The following PCBP3 variants were observed in gnomAD, a reference collection of about 807,000 sequenced individuals.
PCBP3 encodes the protein poly(rC) binding protein 3.
A neutral mutation model predicts 52.7 loss-of-function variants in PCBP3; 25 were observed. The ratio of observed to expected loss-of-function variants is 0.47; its 90% confidence interval spans 0.35 to 0.66. The LOEUF (loss-of-function observed/expected upper bound fraction) is 0.66. Among genes scored for constraint, PCBP3 ranks in the 30% least tolerant of loss-of-function variants. The pLI, the probability that PCBP3 is intolerant of heterozygous loss-of-function variation, is 0.01. For missense variants in PCBP3, 391 were observed against 490.3 expected (o/e 0.80, Z 1.91); for synonymous variants, 162 against 183.0 (o/e 0.89, Z 0.93).
intron 1 of PCBP3, among the ~76,000 whole-genome samples, chr21:45,645,943 T>C (rs2079219749): frequency 6.6e-6 from 1 of 152,160 alleles, no homozygotes. Context: ...GAATAAATGC[T>C]GTAGATTTTG....
intron 4 of PCBP3, among the ~76,000 whole-genome samples, chr21:45,811,154 T>TA (rs1268535939): frequency 1.3e-5 from 2 of 152,244 alleles, no homozygotes; most frequent in Admixed American, 1.3e-4. Flanking sequence ...TTCCTATTTG[T>TA]TATTTCCTGC....
intron 5 of PCBP3, among the ~76,000 whole-genome samples, chr21:45,863,458 GC>G: frequency 6.6e-6 from 1 of 152,214 alleles, no homozygotes; most frequent in Non-Finnish European, 1.5e-5. Context: ...GGCTCGCCGG[GC>G]TGTTGAGTCG....
intron 5 of PCBP3, among the ~76,000 whole-genome samples, chr21:45,865,671 G>A (rs1279045106): frequency 6.6e-6 from 1 of 152,150 alleles, no homozygotes; most frequent in African/African-American, 2.4e-5. Flanking sequence ...CGGTGGAGCT[G>A]GGTTTGAGGA....
At chr21:45,719,189 A>G (rs1452759211) in intron 2 of PCBP3, among the ~76,000 whole-genome samples, 1 of 151,992 alleles carries the variant, frequency 6.6e-6, no homozygotes, top group African/African-American at 2.4e-5. Flanking sequence ...ACCCTGCAAT[A>G]AGGTTGGCTT....
intron 2 of PCBP3, among the ~76,000 whole-genome samples, chr21:45,719,822 A>G (rs1425648500): frequency 1.3e-5 from 2 of 152,158 alleles, no homozygotes; most frequent in African/African-American, 4.8e-5. Flanking sequence ...AGTCATGAAC[A>G]CCAAATCTGG....
intron 4 of PCBP3, among the ~76,000 whole-genome samples, chr21:45,813,169 A>G (rs1323155913): frequency 6.6e-6 from 1 of 151,936 alleles, no homozygotes; most frequent in African/African-American, 2.4e-5. Context: ...ACCACTCACT[A>G]TTGTCACGCA....
chr21:45,908,365 C>G (rs949777154), intron 9 of PCBP3, among the ~76,000 whole-genome samples: 1 of 152,210 alleles, frequency 6.6e-6, no homozygotes, highest in Non-Finnish European at 1.5e-5. Context: ...CCAGAAAGAA[C>G]GCTCTGTGTG....
intron 4 of PCBP3, among the ~76,000 whole-genome samples, chr21:45,824,603 C>T (rs993414379): frequency 6.6e-6 from 1 of 152,214 alleles, no homozygotes; most frequent in Admixed American, 6.5e-5. Flanking sequence ...GCCCTCCCTG[C>T]CCTGGTCTTG....
At chr21:45,901,560 G>C (rs2149107793) in intron 9 of PCBP3, 1 of 205,414 alleles carries the variant, frequency 4.9e-6, no homozygotes. Flanking sequence ...TGCCTCTGGG[G>C]CCCCCGTGAC....
chr21:45,670,049 C>G (rs1473260090), intron 2 of PCBP3, among the ~76,000 whole-genome samples: 1 of 151,762 alleles, frequency 6.6e-6, no homozygotes, highest in African/African-American at 2.4e-5. Flanking sequence ...GTATTGTTTT[C>G]ATAGCAGCTC....
Position 45,941,864 on chromosome 21 carries a change from G to T in PCBP3, c.*158G>T. The stretch of plus-strand genomic sequence containing the variant: ...GTATGCCATGGAGAAACACACCCGC[G>T]CACACAGCTGCTCTCTACAGAGGCT... On this transcript the variant is annotated 3_prime_UTR_variant, in exon 18 of 18. Transcript: ENST00000681687. The T allele has an allele frequency of 5.6e-6, 3 of 533,038 alleles. No individual in the cohort carries two copies. Among genetic ancestry groups the T allele is most frequent in the South Asian group, 5.6e-5 (2 of 35,502 alleles). 33.0% of individuals were successfully genotyped at this position (533,038 alleles called of 1,614,324 possible). A position where few individuals can be genotyped will look rare whatever the true frequency, so the allele number is the denominator to read the frequency against.
intron 10 of PCBP3, among the ~76,000 whole-genome samples, chr21:45,910,304 C>T (rs999639786): frequency 6.7e-6 from 1 of 149,836 alleles, no homozygotes; most frequent in African/African-American, 2.5e-5. Flanking sequence ...GTGCTGGGGA[C>T]AGGGAGGAAC....
intron 2 of PCBP3, among the ~76,000 whole-genome samples, chr21:45,705,311 G>T (rs2083380452): frequency 6.6e-6 from 1 of 152,182 alleles, no homozygotes; most frequent in African/African-American, 2.4e-5. Flanking sequence ...GTGAGCAGGG[G>T]CCTCAGTGAG....
At chr21:45,679,069 A>G (rs968162096) in intron 2 of PCBP3, among the ~76,000 whole-genome samples, 5 of 139,272 alleles carry the variant, frequency 3.6e-5, no homozygotes, top group Non-Finnish European at 7.7e-5. Context: ...GGCTCAGATG[A>G]TTGTTAGCAT....
intron 1 of PCBP3, among the ~76,000 whole-genome samples, chr21:45,655,135 T>A (rs2079931735): frequency 6.6e-6 from 1 of 152,180 alleles, no homozygotes; most frequent in African/African-American, 2.4e-5. Context: ...TTTCGGTTGT[T>A]TTTTGGCTGT....
At chr21:45,667,043 C>G (rs553708769) in intron 1 of PCBP3, among the ~76,000 whole-genome samples, 1 of 131,326 alleles carries the variant, frequency 7.6e-6, no homozygotes, top group Non-Finnish European at 1.7e-5. Context: ...TTTATTTTCT[C>G]TCCTTCTGAG....
chr21:45,768,271 C>T (rs776214615), intron 4 of PCBP3, among the ~76,000 whole-genome samples: 6 of 152,240 alleles, frequency 3.9e-5, no homozygotes, highest in African/African-American at 7.2e-5. Flanking sequence ...GCCACCCTCA[C>T]GTTTCTCAGC....
chr21:45,787,183 T>C (rs2091220714), intron 4 of PCBP3, among the ~76,000 whole-genome samples: 1 of 152,206 alleles, frequency 6.6e-6, no homozygotes, highest in South Asian at 2.1e-4. Context: ...CATGTGTTCA[T>C]AATCAGTGCC....
chr21:45,673,390 T>G (rs769718426), intron 2 of PCBP3, among the ~76,000 whole-genome samples: 1 of 152,214 alleles, frequency 6.6e-6, no homozygotes, highest in African/African-American at 2.4e-5. Context: ...CTTTTCTGAT[T>G]TCTTACAAGA....
Sources: allele counts gnomAD v4.1 joint callset (sites outside exome capture counted in the v4.1 genomes callset), GRCh38; gene constraint gnomAD v4.1.1; transcripts MANE v1.5; gene names NCBI Gene and HGNC (gene_info 2026-07-23, HGNC 2026-07-21).